ULK4: variants seen among roughly 807,000 people sequenced by gnomAD.
ULK4 encodes inactive serine/threonine-protein kinase ULK4.
In ULK4, 133 loss-of-function variants were observed where a neutral mutation model predicts 160.6. The ratio of observed to expected loss-of-function variants is 0.83; its 90% CI spans 0.72 to 0.96. ULK4 has a LOEUF of 0.96. Ranked by LOEUF, ULK4 falls within the 40% of genes least tolerant of loss-of-function variation. The pLI is 0.00. For synonymous variants in ULK4, 534 were observed against 539.8 expected (o/e 0.99, Z 0.15); for missense variants, 1,580 against 1,499.5 (o/e 1.05, Z -0.89).
intron 17 of ULK4, among the ~76,000 whole-genome samples, chr3:41,882,898 C>T (rs1322956495): frequency 6.6e-6 from 1 of 152,144 alleles, no homozygotes; most frequent in Non-Finnish European, 1.5e-5. Flanking sequence ...GATGCTCAAT[C>T]TTTCAGACAA....
At chr3:41,322,120 C>A (rs2080258567) in intron 35 of ULK4, among the ~76,000 whole-genome samples, 1 of 144,474 alleles carries the variant, frequency 6.9e-6, no homozygotes, top group Admixed American at 7.0e-5. Context: ...CAACCTCCAC[C>A]TCCTGGGTTC....
At chr3:41,483,510 A>C (rs1461568233) in intron 32 of ULK4, among the ~76,000 whole-genome samples, 1 of 152,154 alleles carries the variant, frequency 6.6e-6, no homozygotes, top group Non-Finnish European at 1.5e-5. Context: ...GTGACTGTAT[A>C]AACACTATTC....
At chr3:41,852,645 G>A (rs928486827) in intron 17 of ULK4, among the ~76,000 whole-genome samples, 3 of 152,098 alleles carry the variant, frequency 2.0e-5, no homozygotes, top group African/African-American at 7.2e-5. Context: ...GAGAGATAGA[G>A]AAAGAACAAC....
At chr3:41,610,843 AT>A (rs1331852836) in intron 31 of ULK4, among the ~76,000 whole-genome samples, 1 of 152,178 alleles carries the variant, frequency 6.6e-6, no homozygotes, top group Non-Finnish European at 1.5e-5. Flanking sequence ...TGCCATGAAT[AT>A]TTTTTTCCAA....
intron 21 of ULK4, among the ~76,000 whole-genome samples, chr3:41,772,619 A>C (rs1384378625): frequency 1.3e-5 from 2 of 152,246 alleles, no homozygotes; most frequent in African/African-American, 4.8e-5. Flanking sequence ...AGATGGATTC[A>C]CAGCCGAATT....
chr3:41,407,160 C>T (rs2082310384), intron 34 of ULK4, among the ~76,000 whole-genome samples: 1 of 152,096 alleles, frequency 6.6e-6, no homozygotes, highest in African/African-American at 2.4e-5. Flanking sequence ...ACCTGGGTAG[C>T]ACATTATCAA....
chr3:41,907,853 G>C lies in ULK4; in HGVS notation c.1174C>G (p.Leu392Val). The C allele has an allele frequency of 6.3e-7, 1 of 1,587,114 alleles. No homozygotes were observed. ...THCSPQKTSP[L>V]TKITSGHLSQ... ...TTCCCAAGTCTGCTCACCTTGGTCAGAGGAGAAGTCTTCTGTGGTGAACAG... is the reference window on the plus strand; with the variant it reads ...TTCCCAAGTCTGCTCACCTTGGTCACAGGAGAAGTCTTCTGTGGTGAACAG... Residue 392 changes from leucine (L) to valine (V), a missense_variant, in exon 12 of 37, where the codon CTG becomes GTG. Leu to Val is a conservative substitution (Grantham distance 32, BLOSUM62 1). Transcript: ENST00000301831.
intron 34 of ULK4, among the ~76,000 whole-genome samples, chr3:41,439,371 T>C (rs2083108735): frequency 6.6e-6 from 1 of 152,104 alleles, no homozygotes; most frequent in African/African-American, 2.4e-5. Context: ...AAAACACAAA[T>C]ACCTTCCACT....
At chr3:41,554,613 G>A (rs1274129300) in intron 32 of ULK4, among the ~76,000 whole-genome samples, 2 of 152,130 alleles carry the variant, frequency 1.3e-5, no homozygotes, top group African/African-American at 2.4e-5. Context: ...AACATATACC[G>A]AGATGGAAGG....
intron 35 of ULK4, among the ~76,000 whole-genome samples, chr3:41,384,912 G>A (rs2081766091): frequency 6.6e-6 from 1 of 152,072 alleles, no homozygotes; most frequent in Non-Finnish European, 1.5e-5. Context: ...AAAATTAGCT[G>A]GGCATGCTGG....
Position 41,566,108 on chromosome 3 carries a change from C to T in ULK4, c.3143G>A (p.Gly1048Asp). The change falls in exon 32 of 37, where the codon GGT (glycine) becomes GAT (aspartate). Residue 1048 changes from glycine to aspartate, a missense_variant. Transcript: ENST00000301831. ...VTLEHQESIL[G>D]NTMQSVIALL... ...TGCAATCACACTTTGCATGGTATTACCCAGAATGCTCTCCTGATGTTCCTG... is the reference window on the plus strand; with the variant it reads ...TGCAATCACACTTTGCATGGTATTATCCAGAATGCTCTCCTGATGTTCCTG... 1.2e-6 allele frequency: 2 copies of T among 1,613,166 alleles called. No individual in the cohort carries two copies. Among genetic ancestry groups the T allele is most frequent in the South Asian group, 2.2e-5 (2 of 90,900 alleles).
Position 41,715,492 on chromosome 3 carries a change from C to A in ULK4, c.2532G>T (p.Leu844Phe), listed in dbSNP as rs199600821. 3.1e-6 allele frequency: 5 copies of A among 1,614,116 alleles called. No individual in the cohort carries two copies. The highest frequency in any genetic ancestry group is 2.2e-5 in the South Asian group (2 of 91,080). ...PSTVQVKQLK[L>F]CLPLMPVVLH... ...GCACTACAGGCATCAGGGGGAGACA[C>A]AACTTCAGCTGTTTCACTTGAACTG... Residue 844 changes from leucine (L) to phenylalanine (F), a missense_variant, in exon 24 of 37, where the codon TTG becomes TTT. Leu to Phe is a conservative substitution (Grantham distance 22). Coordinates refer to ENST00000301831, the MANE Select transcript of ULK4 (RefSeq NM_017886.4).
intron 17 of ULK4, among the ~76,000 whole-genome samples, chr3:41,864,857 C>T (rs2042582233): frequency 6.6e-6 from 1 of 152,154 alleles, no homozygotes; most frequent in African/African-American, 2.4e-5. Flanking sequence ...ATTTTAAGAA[C>T]TATCTACCCT....
chr3:41,707,826 T>G (rs1429113145), intron 25 of ULK4, among the ~76,000 whole-genome samples: 3 of 144,808 alleles, frequency 2.1e-5, no homozygotes. Flanking sequence ...AGACCTTGTC[T>G]CCAAAAAAAG....
chr3:41,523,067 C>A (rs2085989185), intron 32 of ULK4, among the ~76,000 whole-genome samples: 1 of 152,088 alleles, frequency 6.6e-6, no homozygotes, highest in South Asian at 2.1e-4. Flanking sequence ...CACCACCACG[C>A]CCGACTAATT....
intron 13 of ULK4, among the ~76,000 whole-genome samples, chr3:41,898,946 T>G (rs1190783854): frequency 6.6e-6 from 1 of 152,226 alleles, no homozygotes; most frequent in Non-Finnish European, 1.5e-5. Context: ...ATTTCACAAT[T>G]CAAAACATGC....
chr3:41,699,247 C>T (rs1484610292), intron 27 of ULK4, among the ~76,000 whole-genome samples: 1 of 152,108 alleles, frequency 6.6e-6, no homozygotes, highest in East Asian at 1.9e-4. Flanking sequence ...CTCTATGTCC[C>T]CACCAACACT....
At chr3:41,427,277 T>C (rs2082798737) in intron 34 of ULK4, among the ~76,000 whole-genome samples, 1 of 152,084 alleles carries the variant, frequency 6.6e-6, no homozygotes, top group African/African-American at 2.4e-5. Flanking sequence ...ATAAATAGCC[T>C]ACCAAACAAA....
chr3:41,253,554 TA>T (rs946607702), intron 35 of ULK4, among the ~76,000 whole-genome samples: 2 of 151,776 alleles, frequency 1.3e-5, no homozygotes, highest in Non-Finnish European at 2.9e-5. Flanking sequence ...AATTAAAATT[TA>T]ATATTAAAAA....
Sources: allele counts gnomAD v4.1 joint callset (sites outside exome capture counted in the v4.1 genomes callset), GRCh38; gene constraint gnomAD v4.1.1; transcripts MANE v1.5; gene names NCBI Gene and HGNC (gene_info 2026-07-23, HGNC 2026-07-21).